Variants in FGR observed in about 807,000 individuals in gnomAD.
FGR encodes tyrosine-protein kinase Fgr.
Under a neutral mutation model 63.2 loss-of-function variants are expected in FGR, and 26 were observed. The observed-to-expected ratio is 0.41, with a 90% CI of 0.30 to 0.57. FGR has a LOEUF of 0.57. Ranked by LOEUF, FGR falls within the 20% of genes least tolerant of loss-of-function variation. The pLI is 0.27. For missense variants in FGR, 511 were observed against 690.8 expected (o/e 0.74, Z 2.92); for synonymous variants, 286 against 277.7 (o/e 1.03, Z -0.30).
At chr1:27,624,292 G>A (rs2089982839) in intron 2 of FGR, among the ~76,000 whole-genome samples, 1 of 152,220 alleles carries the variant, frequency 6.6e-6, no homozygotes, top group Admixed American at 6.5e-5. Flanking sequence ...CTGGAGTGCA[G>A]TGGCACAATC....
chr1:27,628,466 T>A (rs558218103), intron 1 of FGR, among the ~76,000 whole-genome samples: 4 of 151,120 alleles, frequency 2.6e-5, no homozygotes, highest in Non-Finnish European at 5.9e-5. Flanking sequence ...CCTGCTAGCA[T>A]GCACAAATGC....
chr1:27,623,662 A>G, intron 3 of FGR, 29 bp downstream of exon 3: 1 of 1,606,682 alleles, frequency 6.2e-7, no homozygotes, highest in East Asian at 2.2e-5. Context: ...GGATCCAGGC[A>G]GCTCCTGCCT....
chr1:27,617,113 A>T lies in FGR; in HGVS notation c.532+80T>A. 1 of 1,599,068 alleles carries T rather than the reference A, an allele frequency of 6.3e-7. No individual in the cohort carries two copies. The highest frequency in any genetic ancestry group is 8.6e-7 in the Non-Finnish European group (1 of 1,168,316). ...AGGACCTGGTCCCAGTCTTGGCCTT[A>T]ACCCAAGCAGCCTACCGCTCCTAGC... On this transcript the variant is annotated intron_variant, in intron 6 of 12. Coordinates refer to ENST00000374005, the MANE Select transcript of FGR (RefSeq NM_005248.3). This position sits in a 1 kb window ranked among gnomAD's most constrained non-coding sequence, Gnocchi z 4.5.
At position 27,615,736 on chromosome 1, in the gene FGR, G is replaced by C. The variant is rs1373856540; in HGVS notation, c.791C>G (p.Thr264Arg). The C allele has an allele frequency of 6.2e-6, 10 of 1,609,934 alleles. No homozygotes were observed. In the Middle Eastern group the frequency reaches 4.9e-4, roughly 80 times the overall value. The part of the protein sequence containing the change: ...DAWEISRSSI[T>R]LERRLGTGCF... ...GCCGGTGCCCAGCCGGCGCTCCAGC[G>C]TGATGGAGCTGCGGCTGATCTCCCA... Residue 264 changes from threonine to arginine, a missense_variant, in exon 8 of 13, where the codon ACG becomes AGG. Thr to Arg is a moderately conservative substitution (Grantham distance 71). Coordinates refer to ENST00000374005, the MANE Select transcript of FGR (RefSeq NM_005248.3). This position sits in a 1 kb window ranked among gnomAD's most constrained non-coding sequence, Gnocchi z 7.6.
Position 27,613,067 on chromosome 1 carries a change from G to A in FGR, c.1437C>T (p.Cys479=). The A allele has an allele frequency of 6.2e-7, 1 of 1,614,210 alleles. No individual in the cohort carries two copies. The highest frequency in any genetic ancestry group is 1.1e-5 in the South Asian group (1 of 91,086). The change falls in exon 13 of 13, where the codon TGC becomes TGT. Residue 479 remains cysteine, a synonymous_variant. Transcript: ENST00000374005. ...EQVEQGYHMP[C]PPGCPASLYE... The stretch of plus-strand genomic sequence containing the variant: ...ACAGGGATGCTGGGCAGCCTGGAGG[G>A]CACGGCATGTGGTAGCCCTGCTCCA...
chr1:27,632,938 T>C (rs574140876), intron 1 of FGR, among the ~76,000 whole-genome samples: 1 of 152,100 alleles, frequency 6.6e-6, no homozygotes, highest in South Asian at 2.1e-4. Context: ...AGCTCTGGGG[T>C]TCCCTACCCA....
intron 11 of FGR, 27 bp from the exon 12 acceptor site, chr1:27,613,377 G>A: frequency 6.2e-7 from 1 of 1,610,972 alleles, no homozygotes; most frequent in Middle Eastern, 1.7e-4. Context: ...AGCAGGGAAA[G>A]TTAGTGAGGG....
chr1:27,626,247 C>T (rs2090020516), intron 1 of FGR: 1 of 398,638 alleles, frequency 2.5e-6, no homozygotes, highest in Non-Finnish European at 4.4e-6. Context: ...AGAGAGGAAC[C>T]GACTGGTGAG....
intron 5 of FGR, among the ~76,000 whole-genome samples, chr1:27,620,864 TA>T (rs575141015): frequency 1.2e-3 from 159 of 132,346 alleles, no homozygotes; most frequent in Non-Finnish European, 2.0e-3. Context: ...CATCTCTACT[TA>T]AAAAAAAAAA....
chr1:27,630,442 G>T (rs1318015827), intron 1 of FGR, among the ~76,000 whole-genome samples: 1 of 152,082 alleles, frequency 6.6e-6, no homozygotes, highest in Non-Finnish European at 1.5e-5. Flanking sequence ...TTCCAATGCG[G>T]CCCAGGGAAG....
In FGR at chr1:27,615,409, G is replaced by T. The variant is rs778142930; in HGVS notation, c.1018+25C>A. On this transcript the variant is annotated intron_variant, in intron 9 of 12. Coordinates refer to ENST00000374005, the MANE Select transcript of FGR (RefSeq NM_005248.3). This position sits in a 1 kb window ranked among gnomAD's most constrained non-coding sequence, Gnocchi z 7.6. ...CCCTCTTAACTTCACCCCGAATCCC[G>T]CCCGACCAGGCTCCGCCTCCTGACC... 8 of 1,587,108 alleles carry T rather than the reference G, an allele frequency of 5.0e-6. No individual in the cohort carries two copies. Among genetic ancestry groups the T allele is most frequent in the Non-Finnish European group, 6.9e-6 (8 of 1,159,436 alleles).
At chr1:27,613,577 C>T (rs967475324) in intron 11 of FGR, among the ~76,000 whole-genome samples, 3 of 151,740 alleles carry the variant, frequency 2.0e-5, no homozygotes, top group African/African-American at 4.8e-5. Context: ...GTGGCGGGTG[C>T]CTGTAATCCC....
At position 27,614,220 on chromosome 1, in the gene FGR, G is replaced by A. The variant is rs143112417; in HGVS notation, c.1249+210C>T. On this transcript the variant is annotated intron_variant, in intron 11 of 12. Transcript: ENST00000374005. Reference sequence around the variant, plus strand: ...TATTGTCACTTTACAGAAGAGAAACGGCAGCTCCCAGAGGTTAGGTGACTT... The same window carrying A: ...TATTGTCACTTTACAGAAGAGAAACAGCAGCTCCCAGAGGTTAGGTGACTT... 3.9e-5 allele frequency among the ~76,000 whole-genome samples: 6 copies of A among 152,324 alleles called. No homozygotes were observed. In the East Asian group the frequency reaches 7.7e-4, roughly 20 times the overall value.
chr1:27,623,678 C>A lies in FGR; in HGVS notation c.226+13G>T. On this transcript the variant is annotated intron_variant, in intron 3 of 12. Transcript: ENST00000374005. Reference sequence around the variant, plus strand: ...GATCCAGGCAGCTCCTGCCTCCGACCCCTTGGACTCACCTGACACACCCCT... The same window carrying A: ...GATCCAGGCAGCTCCTGCCTCCGACACCTTGGACTCACCTGACACACCCCT... 1 of 1,613,748 alleles carries A rather than the reference C, an allele frequency of 6.2e-7. No homozygotes were observed. Among genetic ancestry groups the A allele is most frequent in the Non-Finnish European group, 8.5e-7 (1 of 1,179,730 alleles).
chr1:27,631,691 A>C (rs1487391753), intron 1 of FGR, among the ~76,000 whole-genome samples: 1 of 152,206 alleles, frequency 6.6e-6, no homozygotes, highest in East Asian at 1.9e-4. Context: ...TCCCTTGAGG[A>C]AGGTCCTCCG....
rs1429929335 is a variant in FGR at position 27,616,394 on chromosome 1, A to G, written c.682+463T>C. On this transcript the variant is annotated intron_variant, in intron 7 of 12. Coordinates refer to ENST00000374005, the MANE Select transcript of FGR (RefSeq NM_005248.3). The surrounding 1 kb of genome is among the most constrained non-coding windows in gnomAD (Gnocchi z 4.3). ...CTGGCCTCCACCACCTCTCACCTGGACAACAGCCACTGCCTTCTAATGGAC... is the reference window on the plus strand; with the variant it reads ...CTGGCCTCCACCACCTCTCACCTGGGCAACAGCCACTGCCTTCTAATGGAC... 6.6e-6 allele frequency among the ~76,000 whole-genome samples: 1 copy of G among 152,148 alleles called. No homozygotes were observed. The highest frequency in any genetic ancestry group is 1.5e-5 in the Non-Finnish European group (1 of 68,016).
chr1:27,625,816 G>A (rs2090012871), intron 1 of FGR, among the ~76,000 whole-genome samples: 1 of 152,182 alleles, frequency 6.6e-6, no homozygotes, highest in Non-Finnish European at 1.5e-5. Flanking sequence ...GTGGGCGCCT[G>A]TAGTCCCAGC....
chr1:27,617,312 G>A lies in FGR; in HGVS notation c.429-16C>T. On this transcript the variant is annotated splice_polypyrimidine_tract_variant and intron_variant, in intron 5 of 12. Transcript: ENST00000374005. This position sits in a 1 kb window ranked among gnomAD's most constrained non-coding sequence, Gnocchi z 4.5. ...AAAGTACCACCTGTTGGGAAAGGCA[G>A]GCAAGAGTCAGGTACGCTCTGCTCA... 1 of 1,597,100 alleles carries A rather than the reference G, an allele frequency of 6.3e-7. No individual in the cohort carries two copies. Among genetic ancestry groups the A allele is most frequent in the Non-Finnish European group, 8.6e-7 (1 of 1,164,798 alleles).
chr1:27,630,287 T>C (rs1001256922), intron 1 of FGR, among the ~76,000 whole-genome samples: 2 of 152,286 alleles, frequency 1.3e-5, no homozygotes, highest in South Asian at 4.1e-4. Flanking sequence ...TCTCCTGACC[T>C]CGTGATCTGC....
Sources: allele counts gnomAD v4.1 joint callset (sites outside exome capture counted in the v4.1 genomes callset), GRCh38; gene constraint gnomAD v4.1.1; non-coding constraint Gnocchi (gnomAD v3.1); transcripts MANE v1.5; gene names NCBI Gene and HGNC (gene_info 2026-07-23, HGNC 2026-07-21).